The following MYO1E variants were observed in gnomAD, a reference collection of about 807,000 sequenced individuals.
MYO1E encodes the protein myosin IE.
Under a neutral mutation model 151.1 loss-of-function variants are expected in MYO1E, and 68 were observed. That is an observed-to-expected ratio of 0.45 (90% confidence interval 0.37 to 0.55). MYO1E has a LOEUF of 0.55. Among genes scored for constraint, MYO1E ranks in the 20% least tolerant of loss-of-function variants. The pLI is 0.00. For missense variants in MYO1E, 1,363 were observed against 1,389.3 expected, an observed-to-expected ratio of 0.98 and a Z score of 0.30; for synonymous variants, 601 against 501.7, an observed-to-expected ratio of 1.20 and a Z score of -2.64.
At chr15:59,339,790 C>A (rs7179318) in intron 1 of MYO1E, among the ~76,000 whole-genome samples, 6,582 of 152,230 alleles carry the variant, frequency 0.043, 450 homozygotes, top group African/African-American at 0.15. Flanking sequence ...GAGTTAAAGA[C>A]CAGCCTAGAC....
At chr15:59,143,084 G>C (rs1335864159) in intron 26 of MYO1E, among the ~76,000 whole-genome samples, 4 of 152,184 alleles carry the variant, frequency 2.6e-5, no homozygotes, top group African/African-American at 9.7e-5. Context: ...CGTGGTCTTT[G>C]ATATCAAGGC....
chr15:59,178,615 G>T, intron 18 of MYO1E, 78 bp from the exon 19 acceptor site: 1 of 1,557,214 alleles, frequency 6.4e-7, no homozygotes, highest in South Asian at 1.2e-5. Context: ...GGCAGCAAGA[G>T]CTCTGCTCTG....
intron 14 of MYO1E, 94 bp from the exon 15 acceptor site, chr15:59,205,579 A>T: frequency 8.2e-7 from 1 of 1,225,072 alleles, no homozygotes; most frequent in Non-Finnish European, 1.2e-6. Flanking sequence ...ATTTCACCAA[A>T]CAAAAAACCA....
chr15:59,361,726 G>A (rs1285910966), intron 1 of MYO1E, among the ~76,000 whole-genome samples: 1 of 152,090 alleles, frequency 6.6e-6, no homozygotes, highest in African/African-American at 2.4e-5. Flanking sequence ...TATATGTAAA[G>A]CAAATAAAAC....
chr15:59,185,578 A>T (rs960121610), intron 18 of MYO1E, among the ~76,000 whole-genome samples: 6 of 152,136 alleles, frequency 3.9e-5, no homozygotes, highest in African/African-American at 1.2e-4. Flanking sequence ...CTCTTAATTA[A>T]AAAAGGGTAT....
In MYO1E at chr15:59,195,541, G is replaced by A; in HGVS notation, c.1725C>T (p.Thr575=). The A allele has an allele frequency of 6.2e-7, 1 of 1,614,048 alleles. No individual in the cohort carries two copies. The highest frequency in any genetic ancestry group is 8.5e-7 in the Non-Finnish European group (1 of 1,179,940). ...TGTAGTGGGGCGTACATTTCATCAG[G>A]GTGCTCACAAGGTCATTGGCTTGTT... ...IKKQANDLVS[T]LMKCTPHYIR... Residue 575 remains threonine, a synonymous_variant, in exon 17 of 28, where the codon ACC becomes ACT. Transcript: ENST00000288235.
In MYO1E at chr15:59,304,067, C is replaced by T. The variant is rs191307582; in HGVS notation, c.4-31618G>A. ...GCGCAATCTTGGCTCACTGCAACCT[C>T]TGCCTCCTGGGTTCAAGCGATTCTC... is the stretch of plus-strand genomic sequence containing the variant. On this transcript the variant is annotated intron_variant, in intron 1 of 27. Coordinates refer to ENST00000288235, the MANE Select transcript of MYO1E (RefSeq NM_004998.4). Among the ~76,000 whole-genome samples the T allele has an allele frequency of 1.6e-4, 24 of 150,966 alleles. No individual in the cohort carries two copies. In the East Asian group the frequency reaches 4.1e-3, roughly 26 times the overall value.
intron 21 of MYO1E, 89 bp downstream of exon 21, chr15:59,173,657 G>A: frequency 6.6e-7 from 1 of 1,522,164 alleles, no homozygotes; most frequent in Non-Finnish European, 9.1e-7. Flanking sequence ...AACACATTCT[G>A]ATTTGGTAAC....
chr15:59,327,871 G>C (rs2080674971), intron 1 of MYO1E, among the ~76,000 whole-genome samples: 1 of 152,230 alleles, frequency 6.6e-6, no homozygotes, highest in African/African-American at 2.4e-5. Context: ...GGAAAGGCCA[G>C]GGTGGACTGC....
At chr15:59,261,927 C>T (rs1272512029) in intron 2 of MYO1E, among the ~76,000 whole-genome samples, 2 of 152,100 alleles carry the variant, frequency 1.3e-5, no homozygotes, top group Non-Finnish European at 2.9e-5. Context: ...ATCAGCCGGG[C>T]GTGATGGCTC....
At chr15:59,270,089 A>G (rs540733487) in intron 2 of MYO1E, among the ~76,000 whole-genome samples, 1 of 152,348 alleles carries the variant, frequency 6.6e-6, no homozygotes, top group South Asian at 2.1e-4. Flanking sequence ...TCTGTCAGCC[A>G]TAGGTCACCA....
intron 1 of MYO1E, among the ~76,000 whole-genome samples, chr15:59,274,325 T>C (rs1566998985): frequency 1.3e-5 from 2 of 152,200 alleles, no homozygotes; most frequent in African/African-American, 4.8e-5. Flanking sequence ...CTTCTTCCTC[T>C]TGTGGCAAAG....
chr15:59,176,243 G>A (rs2079624106), intron 19 of MYO1E, among the ~76,000 whole-genome samples: 1 of 152,106 alleles, frequency 6.6e-6, no homozygotes, highest in Admixed American at 6.5e-5. Context: ...TGTATTTTTA[G>A]TAGAGATGGG....
intron 1 of MYO1E, among the ~76,000 whole-genome samples, chr15:59,368,101 A>G (rs1176849494): frequency 1.3e-5 from 2 of 152,190 alleles, no homozygotes; most frequent in Non-Finnish European, 2.9e-5. Flanking sequence ...CCTGGGCGAC[A>G]AGAGCAAAAC....
chr15:59,212,557 A>G (rs2079885742), intron 12 of MYO1E: 1 of 152,178 alleles, frequency 6.6e-6, no homozygotes, highest in South Asian at 2.1e-4. Context: ...TTCACTAAGG[A>G]TCTCACAATA....
At chr15:59,166,088 C>G (rs1339845739) in intron 22 of MYO1E, among the ~76,000 whole-genome samples, 2 of 152,226 alleles carry the variant, frequency 1.3e-5, no homozygotes, top group African/African-American at 4.8e-5. Flanking sequence ...GGTCAATTAT[C>G]AGCATGAATC....
chr15:59,152,064 C>G (rs971885779), intron 26 of MYO1E, among the ~76,000 whole-genome samples: 1 of 150,116 alleles, frequency 6.7e-6, no homozygotes, highest in African/African-American at 2.5e-5. Context: ...GAGACTCCGT[C>G]TAAAAAAAAA....
At chr15:59,167,014 G>A (rs979377933) in intron 22 of MYO1E, among the ~76,000 whole-genome samples, 1 of 152,212 alleles carries the variant, frequency 6.6e-6, no homozygotes, top group Non-Finnish European at 1.5e-5. Context: ...TCAGCACCAG[G>A]TAGGTGCTCA....
chr15:59,193,606 T>G (rs2079747561), intron 17 of MYO1E, among the ~76,000 whole-genome samples: 1 of 152,102 alleles, frequency 6.6e-6, no homozygotes, highest in African/African-American at 2.4e-5. Context: ...AAGAGAAGAT[T>G]CAAGAGAAAC....
Sources: gnomAD v4.1 joint callset for allele counts (sites outside exome capture counted in the v4.1 genomes callset) on GRCh38, gnomAD v4.1.1 for gene constraint, MANE v1.5 for transcripts, NCBI Gene and HGNC (gene_info 2026-07-23, HGNC 2026-07-21) for gene names.